Variants in DDX42 observed in about 807,000 individuals in gnomAD.
The protein encoded by DDX42 is ATP-dependent RNA helicase DDX42.
A neutral mutation model predicts 101.5 loss-of-function variants in DDX42; 22 were observed. The ratio of observed to expected loss-of-function variants is 0.22; its 90% CI spans 0.15 to 0.31. The LOEUF (loss-of-function observed/expected upper bound fraction) is 0.31, where lower values mean the gene tolerates loss of function less well. DDX42 is among the 10% of genes least tolerant of loss of function. DDX42 has a pLI of 1.00. For missense variants in DDX42, 849 were observed against 1,199.9 expected, an observed-to-expected ratio of 0.71 and a Z score of 4.32; for synonymous variants, 402 against 401.2, an observed-to-expected ratio of 1.00 and a Z score of -0.02.
intron 1 of DDX42, among the ~76,000 whole-genome samples, chr17:63,783,809 T>A (rs1028538017): frequency 1.3e-5 from 2 of 152,066 alleles, no homozygotes; most frequent in African/African-American, 4.8e-5. Flanking sequence ...ACACCTGTAA[T>A]CCCAGCACTT....
chr17:63,788,310 CTTTT>C (rs370584285), intron 2 of DDX42, among the ~76,000 whole-genome samples: 3 of 121,470 alleles, frequency 2.5e-5, no homozygotes, highest in African/African-American at 3.2e-5. Context: ...ACATCTGAGT[CTTTT>C]TTTTTTTTTT....
intron 1 of DDX42, among the ~76,000 whole-genome samples, chr17:63,786,432 C>G (rs952550170): frequency 2.6e-5 from 4 of 151,968 alleles, no homozygotes; most frequent in Non-Finnish European, 4.4e-5. Context: ...CTTGTCTTTT[C>G]TTTTTTAATG....
intron 10 of DDX42, 32 bp from the exon 11 acceptor site, chr17:63,809,525 AATT>A: frequency 6.4e-7 from 1 of 1,573,762 alleles, no homozygotes; most frequent in South Asian, 1.1e-5. Context: ...GAATGCCTTT[AATT>A]ATACTTACTG....
chr17:63,805,287 C>T, intron 7 of DDX42, 112 bp downstream of exon 7: 1 of 1,309,446 alleles, frequency 7.6e-7, no homozygotes, highest in Non-Finnish European at 1.0e-6. Flanking sequence ...GGTCTCTGAA[C>T]TGTCTTTGCC....
chr17:63,787,576 C>CGA (rs775684106), intron 2 of DDX42, among the ~76,000 whole-genome samples: 4 of 152,144 alleles, frequency 2.6e-5, no homozygotes, highest in Non-Finnish European at 5.9e-5. Context: ...TGGTGGCTCA[C>CGA]ACCTGTAATC....
At chr17:63,786,383 G>A (rs2039547651) in intron 1 of DDX42, among the ~76,000 whole-genome samples, 1 of 152,096 alleles carries the variant, frequency 6.6e-6, no homozygotes, top group African/African-American at 2.4e-5. Context: ...TGAATAGCTG[G>A]GCTGGAAATG....
chr17:63,802,468 A>G (rs911211296), intron 6 of DDX42, among the ~76,000 whole-genome samples: 2 of 152,230 alleles, frequency 1.3e-5, no homozygotes, highest in Admixed American at 6.5e-5. Context: ...ATTACCCATG[A>G]TAGACATTCA....
intron 1 of DDX42, among the ~76,000 whole-genome samples, chr17:63,780,718 C>G (rs1249830451): frequency 2.6e-5 from 4 of 152,182 alleles, no homozygotes; most frequent in African/African-American, 9.7e-5. Context: ...GTAAGCAACC[C>G]TCACCTGCCC....
Position 63,816,945 on chromosome 17 carries a change from G to C in DDX42, c.2091G>C (p.Thr697=). The change falls in exon 17 of 18, where the codon ACG becomes ACC. Residue 697 remains threonine (T), a synonymous_variant. Coordinates refer to ENST00000389924, the MANE Select transcript of DDX42 (RefSeq NM_203499.3). ...CAGGAGCTATGGGAGATCGACTAAC[G>C]GCAATGAAAGCAGCTTTCCAGGTCT... ...PSTGAMGDRL[T]AMKAAFQSQY... The C allele has an allele frequency of 6.2e-7, 1 of 1,613,816 alleles. No individual in the cohort carries two copies. The highest frequency in any genetic ancestry group is 8.5e-7 in the Non-Finnish European group (1 of 1,179,858).
At chr17:63,780,738 C>A (rs2039478194) in intron 1 of DDX42, among the ~76,000 whole-genome samples, 1 of 152,230 alleles carries the variant, frequency 6.6e-6, no homozygotes, top group African/African-American at 2.4e-5. Flanking sequence ...CAAGGTCTCA[C>A]TGCCTGCCTG....
At chr17:63,780,305 A>AC (rs1567727974) in intron 1 of DDX42, among the ~76,000 whole-genome samples, 2 of 16,476 alleles carry the variant, frequency 1.2e-4, no homozygotes, top group Non-Finnish European at 1.9e-4. Flanking sequence ...AAAAAAACAA[A>AC]AAAAAAAAAA....
chr17:63,812,683 A>G (rs1020518017), intron 14 of DDX42, among the ~76,000 whole-genome samples: 3 of 152,130 alleles, frequency 2.0e-5, no homozygotes, highest in African/African-American at 7.2e-5. Context: ...TTTTAAATAT[A>G]TATTCCCAGT....
At position 63,817,897 on chromosome 17, in the gene DDX42, C is replaced by T. The variant is rs756800695; in HGVS notation, c.2316C>T (p.Ile772=). The T allele has an allele frequency of 6.2e-7, 1 of 1,614,218 alleles. No homozygotes were observed. The highest frequency in any genetic ancestry group is 8.5e-7 in the Non-Finnish European group (1 of 1,180,038). Residue 772 remains isoleucine, a synonymous_variant, in exon 18 of 18, where the codon ATC becomes ATT. Coordinates refer to ENST00000389924, the MANE Select transcript of DDX42 (RefSeq NM_203499.3). ...CAGGCTTTGGCAATACTGGCAACAT[C>T]AGTGGTGCCCCTGTGACCTACCCGT... ...GIPGFGNTGN[I]SGAPVTYPSA...
At chr17:63,810,084 A>G (rs1349876958) in intron 11 of DDX42, among the ~76,000 whole-genome samples, 3 of 151,780 alleles carry the variant, frequency 2.0e-5, no homozygotes, top group African/African-American at 7.3e-5. Context: ...GCTGAATGAT[A>G]TGTTTAGGAG....
intron 1 of DDX42, among the ~76,000 whole-genome samples, chr17:63,778,307 C>A (rs7209338): frequency 0.7 from 106,129 of 151,642 alleles, 38,560 homozygotes; most frequent in African/African-American, 0.92. Context: ...GATGTACATC[C>A]ACATTACTTT....
At chr17:63,792,655 A>T in intron 3 of DDX42, 93 bp downstream of exon 3, 1 of 1,385,970 alleles carries the variant, frequency 7.2e-7, no homozygotes, top group Non-Finnish European at 9.5e-7. Flanking sequence ...TTTGTTTTCT[A>T]GTCTTATTAT....
chr17:63,804,291 T>A (rs901359792), intron 6 of DDX42, among the ~76,000 whole-genome samples: 2 of 151,462 alleles, frequency 1.3e-5, no homozygotes, highest in African/African-American at 4.9e-5. Context: ...AAAAAAAAAA[T>A]AGTTTATAAA....
In DDX42 at chr17:63,818,136, G is replaced by A. The variant is rs141622083; in HGVS notation, c.2555G>A (p.Arg852His). ...TACCGCCATCCAGAAAGCAGCAGCC[G>A]TCATACTGATGGCCATCGGCACGGG... ...DGYRHPESSS[R>H]HTDGHRHGEN... Residue 852 changes from arginine (R) to histidine (H), a missense_variant, in exon 18 of 18, where the codon CGT becomes CAT. Physicochemically the swap from Arg to His is conservative, Grantham distance 29. Around this residue, in one of 5 missense-constraint regions of DDX42, gnomAD observed 300 missense variants for 304.9 expected, o/e 0.98. Coordinates refer to ENST00000389924, the MANE Select transcript of DDX42 (RefSeq NM_203499.3). The A allele has an allele frequency of 9.3e-6, 15 of 1,613,884 alleles. No homozygotes were observed. Among genetic ancestry groups the A allele is most frequent in the Middle Eastern group, 1.6e-4 (1 of 6,084 alleles).
intron 6 of DDX42, 122 bp downstream of exon 6, chr17:63,800,739 T>G (rs1209388333): frequency 8.1e-7 from 1 of 1,231,658 alleles, no homozygotes; most frequent in East Asian, 2.5e-5. Context: ...TCTTGTCATC[T>G]CTACTAAGTG....
Sources: allele counts gnomAD v4.1 joint callset (sites outside exome capture counted in the v4.1 genomes callset), GRCh38; gene constraint gnomAD v4.1.1; regional missense constraint gnomAD v4.1.1; transcripts MANE v1.5; gene names NCBI Gene and HGNC (gene_info 2026-07-23, HGNC 2026-07-21).